The following PRKCE variants were observed in gnomAD, a reference collection of about 807,000 sequenced individuals.
The protein encoded by PRKCE is protein kinase C epsilon type.
In PRKCE, 16 loss-of-function variants were observed where a neutral mutation model predicts 85.4. The observed-to-expected ratio is 0.19, with a 90% CI of 0.13 to 0.28. The LOEUF (loss-of-function observed/expected upper bound fraction) is 0.28. Among genes scored for constraint, PRKCE ranks in the 10% least tolerant of loss-of-function variants. The pLI is 1.00. For missense variants in PRKCE, 573 were observed against 975.2 expected (o/e 0.59, Z 5.49); for synonymous variants, 388 against 371.5 (o/e 1.04, Z -0.51).
At chr2:45,709,225 C>A (rs1281459424) in intron 1 of PRKCE, among the ~76,000 whole-genome samples, 2 of 152,196 alleles carry the variant, frequency 1.3e-5, no homozygotes, top group African/African-American at 2.4e-5. Flanking sequence ...GTCAGGAGCA[C>A]CCTGGGCTGG....
chr2:45,743,676 G>A (rs866051904), intron 1 of PRKCE, among the ~76,000 whole-genome samples: 4 of 152,206 alleles, frequency 2.6e-5, no homozygotes, highest in Non-Finnish European at 5.9e-5. Context: ...TATTGTGGGC[G>A]TGGGTATCTT....
Position 45,835,857 on chromosome 2 carries a change from A to G in PRKCE, c.349-7143A>G, listed in dbSNP as rs564200175. ...CGATCCTCCTGCCTCAGCTTCCCAA[A>G]GTGTTGGGATTACAGGGGTGAGCCA... is the stretch of plus-strand genomic sequence containing the variant. On this transcript the variant is annotated intron_variant, in intron 1 of 14. Transcript: ENST00000306156. Among the ~76,000 whole-genome samples, 18 of 152,120 alleles carry G rather than the reference A, an allele frequency of 1.2e-4. No homozygotes were observed. The South Asian group carries it at 1.2e-3, about 11-fold the overall frequency.
intron 1 of PRKCE, among the ~76,000 whole-genome samples, chr2:45,716,094 G>A (rs915745775): frequency 2.6e-5 from 4 of 152,124 alleles, no homozygotes; most frequent in African/African-American, 9.7e-5. Flanking sequence ...TTCTGCACTC[G>A]TGTGTTACTC....
chr2:45,858,342 T>C (rs1271984228), intron 2 of PRKCE, among the ~76,000 whole-genome samples: 1 of 152,084 alleles, frequency 6.6e-6, no homozygotes, highest in East Asian at 1.9e-4. Flanking sequence ...GCATGAGGCC[T>C]TCGTCAGCCT....
intron 10 of PRKCE, among the ~76,000 whole-genome samples, chr2:46,035,081 T>C (rs996055996): frequency 6.6e-6 from 1 of 152,224 alleles, no homozygotes; most frequent in Non-Finnish European, 1.5e-5. Context: ...ACCCTTCCTC[T>C]TCCTTCAGAC....
rs1271765267 is a variant in PRKCE at position 46,155,972 on chromosome 2, A to G, written c.1921-3634A>G. 3.3e-5 allele frequency among the ~76,000 whole-genome samples: 5 copies of G among 151,468 alleles called. No individual in the cohort carries two copies. The highest frequency in any genetic ancestry group is 7.4e-5 in the Non-Finnish European group (5 of 67,914). ...TATACATATGTAACTAACCTGCACAATGTGCACATGTACCCTAAAACTTAA... is the reference window on the plus strand; with the variant it reads ...TATACATATGTAACTAACCTGCACAGTGTGCACATGTACCCTAAAACTTAA... On this transcript the variant is annotated intron_variant, in intron 13 of 14. Transcript: ENST00000306156. The surrounding 1 kb of genome is among the most constrained non-coding windows in gnomAD (Gnocchi z 4.7).
At chr2:45,887,059 A>T (rs1450826040) in intron 2 of PRKCE, among the ~76,000 whole-genome samples, 1 of 152,156 alleles carries the variant, frequency 6.6e-6, no homozygotes, top group African/African-American at 2.4e-5. Context: ...TCCTTCTTGT[A>T]AACTCTGATG....
chr2:45,964,123 C>T (rs953527747), intron 2 of PRKCE, among the ~76,000 whole-genome samples: 3 of 152,166 alleles, frequency 2.0e-5, no homozygotes, highest in African/African-American at 4.8e-5. Context: ...GTTGCAGTGC[C>T]TATGGCATTA....
chr2:45,960,616 C>T (rs1354156129), intron 2 of PRKCE, among the ~76,000 whole-genome samples: 6 of 152,172 alleles, frequency 3.9e-5, no homozygotes, highest in Non-Finnish European at 7.3e-5. Context: ...TAATGCTTGC[C>T]CACCCACCAA....
chr2:45,943,693 A>T (rs1700041096), intron 2 of PRKCE, among the ~76,000 whole-genome samples: 1 of 152,170 alleles, frequency 6.6e-6, no homozygotes, highest in Non-Finnish European at 1.5e-5. Flanking sequence ...AGACGCCAGG[A>T]TATAACAAAT....
chr2:46,061,897 G>A (rs1401623111), intron 10 of PRKCE, among the ~76,000 whole-genome samples: 5 of 122,986 alleles, frequency 4.1e-5, no homozygotes, highest in South Asian at 2.4e-4. Flanking sequence ...TCGTTCTGTC[G>A]CCCAGGAGGA....
intron 1 of PRKCE, among the ~76,000 whole-genome samples, chr2:45,727,843 C>T (rs539599333): frequency 6.8e-4 from 104 of 151,830 alleles, no homozygotes; most frequent in African/African-American, 2.3e-3. Context: ...TTAGTAGAGA[C>T]GGGGTTTCAC....
At chr2:45,960,589 A>T (rs1420673973) in intron 2 of PRKCE, among the ~76,000 whole-genome samples, 1 of 152,166 alleles carries the variant, frequency 6.6e-6, no homozygotes. Context: ...GTCTGACAGG[A>T]GGTGGAGCTC....
chr2:45,916,814 C>T (rs1573866206), intron 2 of PRKCE, among the ~76,000 whole-genome samples: 2 of 152,314 alleles, frequency 1.3e-5, no homozygotes, highest in African/African-American at 2.4e-5. Flanking sequence ...TGGACCCTCA[C>T]GCTGAGTGTT....
At chr2:46,101,478 G>A (rs1252199236) in intron 11 of PRKCE, among the ~76,000 whole-genome samples, 1 of 152,210 alleles carries the variant, frequency 6.6e-6, no homozygotes, top group Non-Finnish European at 1.5e-5. Context: ...CTCTGGTGGA[G>A]GGAGAGGGAA....
intron 2 of PRKCE, among the ~76,000 whole-genome samples, chr2:45,857,202 G>A (rs974143469): frequency 6.6e-6 from 1 of 152,334 alleles, no homozygotes; most frequent in South Asian, 2.1e-4. Context: ...TAAGTTGCAC[G>A]TGATGCTTTC....
intron 6 of PRKCE, among the ~76,000 whole-genome samples, chr2:46,000,384 G>T (rs763895241): frequency 6.6e-6 from 1 of 151,852 alleles, no homozygotes; most frequent in Admixed American, 6.6e-5. Flanking sequence ...GGACAGGATG[G>T]CTAGAGTGGG....
intron 1 of PRKCE, among the ~76,000 whole-genome samples, chr2:45,828,772 C>T (rs1377281456): frequency 6.6e-6 from 1 of 151,854 alleles, no homozygotes; most frequent in Non-Finnish European, 1.5e-5. Flanking sequence ...CAAAAAATTA[C>T]TTATTTTTAA....
chr2:46,099,375 A>G (rs1670996800), intron 11 of PRKCE, among the ~76,000 whole-genome samples: 1 of 152,070 alleles, frequency 6.6e-6, no homozygotes, highest in Non-Finnish European at 1.5e-5. Flanking sequence ...GGCCTTTGAC[A>G]CACCCATACA....
Sources: allele counts gnomAD v4.1 joint callset (sites outside exome capture counted in the v4.1 genomes callset), GRCh38; gene constraint gnomAD v4.1.1; non-coding constraint Gnocchi (gnomAD v3.1); transcripts MANE v1.5; gene names NCBI Gene and HGNC (gene_info 2026-07-23, HGNC 2026-07-21).